Variants in SUSD4 observed in about 807,000 individuals in gnomAD.
The protein encoded by SUSD4 is sushi domain-containing protein 4.
SUSD4 carries 41 observed loss-of-function variants against 50.5 expected under a neutral mutation model. That is an observed-to-expected ratio of 0.81 (90% CI 0.63 to 1.05). The LOEUF is 1.05. SUSD4 is among the 50% of genes least tolerant of loss of function. SUSD4 has a pLI of 0.00. For synonymous variants in SUSD4, 257 were observed against 257.3 expected (o/e 1.00, Z 0.01); for missense variants, 580 against 634.7 (o/e 0.91, Z 0.93).
intron 2 of SUSD4, among the ~76,000 whole-genome samples, chr1:223,296,091 C>T (rs1042158752): frequency 3.9e-5 from 6 of 152,018 alleles, no homozygotes; most frequent in Non-Finnish European, 7.4e-5. Context: ...TCTTGGACAG[C>T]CAGTCTAGCA....
intron 2 of SUSD4, among the ~76,000 whole-genome samples, chr1:223,344,161 T>C (rs1448406618): frequency 6.6e-6 from 1 of 152,204 alleles, no homozygotes; most frequent in Non-Finnish European, 1.5e-5. Context: ...ACAGACAGCC[T>C]GACCACCTAA....
intron 5 of SUSD4, among the ~76,000 whole-genome samples, chr1:223,253,651 G>T (rs1435660355): frequency 1.3e-5 from 2 of 152,066 alleles, no homozygotes; most frequent in Non-Finnish European, 2.9e-5. Context: ...AATGACTGCA[G>T]GCATTTATTA....
rs1659146727 is a variant in SUSD4, at chr1:223,221,746, A to G, written c.*446T>C. The G allele has an allele frequency of 6.3e-6, 1 of 157,576 alleles. No homozygotes were observed. Among genetic ancestry groups the G allele is most frequent in the South Asian group, 2.0e-4 (1 of 4,914 alleles). The allele number at this position is 157,576 out of a possible 1,614,324, so 9.8% of individuals were successfully genotyped here. The stretch of plus-strand genomic sequence containing the variant: ...GCATCTCAACACAAACTTTCTGCAG[A>G]GGCTGACCCATCCAAATTTGGAGTC... On this transcript the variant is annotated 3_prime_UTR_variant, in exon 9 of 9. Coordinates refer to ENST00000366878, the MANE Select transcript of SUSD4 (RefSeq NM_017982.4).
intron 2 of SUSD4, among the ~76,000 whole-genome samples, chr1:223,297,692 A>C (rs1437208614): frequency 1.3e-5 from 2 of 152,114 alleles, no homozygotes; most frequent in Non-Finnish European, 2.9e-5. Flanking sequence ...ACCTGGGCTC[A>C]CCTCTCTCAG....
chr1:223,267,360 G>A (rs908555274), intron 4 of SUSD4, among the ~76,000 whole-genome samples: 7 of 152,198 alleles, frequency 4.6e-5, no homozygotes, highest in South Asian at 2.1e-4. Flanking sequence ...GCTGCAGTCC[G>A]GGGTTGTTTT....
intron 2 of SUSD4, among the ~76,000 whole-genome samples, chr1:223,359,323 G>A (rs1547789): frequency 0.063 from 9,501 of 152,010 alleles, 461 homozygotes; most frequent in East Asian, 0.2. Context: ...CAGATTAAAC[G>A]GACTATTTTC....
chr1:223,349,898 C>T (rs1668260569), intron 2 of SUSD4, among the ~76,000 whole-genome samples: 1 of 152,164 alleles, frequency 6.6e-6, no homozygotes, highest in South Asian at 2.1e-4. Flanking sequence ...GAAGCCTTAA[C>T]CCCCAATATG....
intron 7 of SUSD4, among the ~76,000 whole-genome samples, chr1:223,224,872 T>TTTTTTTTTTG: frequency 7.0e-6 from 1 of 142,346 alleles, no homozygotes; most frequent in African/African-American, 2.6e-5. Context: ...CTTTTTTTTT[T>TTTTTTTTTTG]TTTTTTTTTT....
rs17163821 is a variant in SUSD4 at position 223,337,092 on chromosome 1, C to T, written c.148+26186G>A. 7.3e-3 allele frequency among the ~76,000 whole-genome samples: 1,105 copies of T among 152,276 alleles called. 35 individuals carry two copies. In the East Asian group the frequency reaches 0.11, roughly 15 times the overall value. On this transcript the variant is annotated intron_variant, in intron 2 of 8. Transcript: ENST00000366878. The stretch of plus-strand genomic sequence containing the variant: ...TATGAGCTGTATCTCTCACAGGCAC[C>T]GTAATTTGTTCAGTTCTCAAAATCA...
intron 5 of SUSD4, among the ~76,000 whole-genome samples, chr1:223,232,633 A>G (rs1005923634): frequency 3.9e-5 from 6 of 152,210 alleles, no homozygotes; most frequent in South Asian, 4.1e-4. Flanking sequence ...AAATCATTGC[A>G]TTCACCCCGA....
rs370135332 is a variant in SUSD4, at chr1:223,229,359, C to T, written c.754G>A (p.Gly252Arg). ...VCPLPPMVSH[G>R]DFVCHPRPCE... ...GGCCGCGGGTGGCAGACGAAATCTC[C>T]GTGACTCACCATTGGAGGTAGTGGA... The change falls in exon 6 of 9, where the codon GGA becomes AGA. Residue 252 changes from glycine (G) to arginine (R), a missense_variant. Physicochemically the swap from Gly to Arg is moderately radical, Grantham distance 125. Transcript: ENST00000366878. This position sits in a 1 kb window ranked among gnomAD's most constrained non-coding sequence, Gnocchi z 4.7. 35 of 1,603,192 alleles carry T rather than the reference C, an allele frequency of 2.2e-5. No individual in the cohort carries two copies. In the Middle Eastern group the frequency reaches 7.7e-4, roughly 35 times the overall value.
chr1:223,223,231 C>T lies in SUSD4; in HGVS notation c.1444+18G>A, dbSNP rs1374018703. 1 of 1,517,368 alleles carries T rather than the reference C, an allele frequency of 6.6e-7. No homozygotes were observed. Among genetic ancestry groups the T allele is most frequent in the Non-Finnish European group, 8.8e-7 (1 of 1,140,074 alleles). 94.0% of individuals were successfully genotyped at this position (1,517,368 alleles called of 1,614,324 possible). On this transcript the variant is annotated intron_variant, in intron 8 of 8. Transcript: ENST00000366878. ...AGGTGTTTGCAGGTGTGGCTTGGGCCCTGGGGCAAGCACTTACCATCTGCA... is the reference window on the plus strand; with the variant it reads ...AGGTGTTTGCAGGTGTGGCTTGGGCTCTGGGGCAAGCACTTACCATCTGCA...
intron 5 of SUSD4, among the ~76,000 whole-genome samples, chr1:223,254,124 G>A (rs1290366435): frequency 6.6e-6 from 1 of 152,222 alleles, no homozygotes; most frequent in Non-Finnish European, 1.5e-5. Flanking sequence ...CCCGGGACAG[G>A]CGACCTGCCC....
rs1659113844 is a variant in SUSD4 at position 223,221,074 on chromosome 1, T to C, written c.*1118A>G. On this transcript the variant is annotated 3_prime_UTR_variant, in exon 9 of 9. Transcript: ENST00000366878. ...TAGGAACAACACCCAGTGGGCATGA[T>C]GAGACCCTCAAAGTAGGAATGCAGG... is the stretch of plus-strand genomic sequence containing the variant. The C allele has an allele frequency of 2.5e-6, 1 of 400,878 alleles. No individual in the cohort carries two copies. Among genetic ancestry groups the C allele is most frequent in the Middle Eastern group, 3.1e-4 (1 of 3,220 alleles). 24.8% of individuals were successfully genotyped at this position (400,878 alleles called of 1,614,324 possible).
chr1:223,299,311 T>A (rs1465124429), intron 2 of SUSD4, among the ~76,000 whole-genome samples: 1 of 152,204 alleles, frequency 6.6e-6, no homozygotes, highest in African/African-American at 2.4e-5. Context: ...TAGGAACCAG[T>A]GTTCTCAAAG....
At chr1:223,352,251 A>T (rs945729340) in intron 2 of SUSD4, among the ~76,000 whole-genome samples, 3 of 152,208 alleles carry the variant, frequency 2.0e-5, no homozygotes, top group Non-Finnish European at 4.4e-5. Context: ...TGTGTGTTTG[A>T]AGAGCTCCCA....
At chr1:223,256,158 A>G (rs926212904) in intron 5 of SUSD4, among the ~76,000 whole-genome samples, 3 of 152,186 alleles carry the variant, frequency 2.0e-5, no homozygotes, top group African/African-American at 4.8e-5. Flanking sequence ...CCCTCCTCCA[A>G]AGCCTTTTAC....
chr1:223,243,015 A>T (rs975668306), intron 5 of SUSD4, among the ~76,000 whole-genome samples: 1 of 152,020 alleles, frequency 6.6e-6, no homozygotes, highest in South Asian at 2.1e-4. Context: ...TCCTCATCCC[A>T]TGGTGTGGTC....
rs79565953 is a variant in SUSD4, at chr1:223,361,676, G to C, written c.148+1602C>G. Among the ~76,000 whole-genome samples, 1,521 of 152,232 alleles carry C rather than the reference G, an allele frequency of 1.0e-2. 24 individuals are homozygous for C. The highest frequency in any genetic ancestry group is 0.034 in the African/African-American group (1,403 of 41,532). ...AGACCTCACCCATCCAATAACAATA[G>C]TCAAGACAAATGTAAATGAACCTTG... On this transcript the variant is annotated intron_variant, in intron 2 of 8. Coordinates refer to ENST00000366878, the MANE Select transcript of SUSD4 (RefSeq NM_017982.4).
Sources: gnomAD v4.1 joint callset for allele counts (sites outside exome capture counted in the v4.1 genomes callset) on GRCh38, gnomAD v4.1.1 for gene constraint, Gnocchi (gnomAD v3.1) non-coding constraint, MANE v1.5 for transcripts, NCBI Gene and HGNC (gene_info 2026-07-23, HGNC 2026-07-21) for gene names.